The following SLC39A9 variants were observed in gnomAD, a reference collection of about 807,000 sequenced individuals.
SLC39A9 encodes zinc transporter ZIP9.
In SLC39A9, 14 loss-of-function variants were observed where a neutral mutation model predicts 28.4. The ratio of observed to expected loss-of-function variants is 0.49; its 90% CI spans 0.33 to 0.77. The LOEUF (loss-of-function observed/expected upper bound fraction) is 0.77. Among genes scored for constraint, SLC39A9 ranks in the 30% least tolerant of loss-of-function variants. SLC39A9 has a pLI of 0.02. For missense variants in SLC39A9, 283 were observed against 381.1 expected, an observed-to-expected ratio of 0.74 and a Z score of 2.14; for synonymous variants, 119 against 149.6, an observed-to-expected ratio of 0.80 and a Z score of 1.49.
chr14:69,442,490 T>A (rs1340311052), intron 3 of SLC39A9, among the ~76,000 whole-genome samples: 1 of 152,232 alleles, frequency 6.6e-6, no homozygotes, highest in Admixed American at 6.5e-5. Flanking sequence ...CTTAAAGTTG[T>A]CACATTTGGT....
At chr14:69,417,322 A>G (rs1883629963) in intron 1 of SLC39A9, among the ~76,000 whole-genome samples, 1 of 152,060 alleles carries the variant, frequency 6.6e-6, no homozygotes, top group Non-Finnish European at 1.5e-5. Flanking sequence ...GTTCTGTTCT[A>G]TTGGTCTATC....
chr14:69,411,613 T>A (rs17106979), intron 1 of SLC39A9, among the ~76,000 whole-genome samples: 28,780 of 152,042 alleles, frequency 0.19, 2,885 homozygotes, highest in South Asian at 0.26. Context: ...TTTAGTGATT[T>A]ACCATAAGCA....
rs1260915818 is a variant in SLC39A9 at position 69,399,417 on chromosome 14, G to A, written c.48G>A (p.Val16=). The A allele has an allele frequency of 1.2e-6, 2 of 1,613,990 alleles. No individual in the cohort carries two copies. Among genetic ancestry groups the A allele is most frequent in the Non-Finnish European group, 1.7e-6 (2 of 1,180,026 alleles). Residue 16 remains valine (V), a synonymous_variant, in exon 1 of 7, where the codon GTG becomes GTA. Transcript: ENST00000336643. ...SISLLSLAML[V]GCYVAGIIPL... is the part of the protein sequence containing the mutation. ...GCCTGCTGTCTCTGGCTATGTTGGTGGGATGTTACGTGGCCGGAATCATTC... is the reference window on the plus strand; with the variant it reads ...GCCTGCTGTCTCTGGCTATGTTGGTAGGATGTTACGTGGCCGGAATCATTC...
chr14:69,451,963 C>T (rs560881330), intron 3 of SLC39A9, among the ~76,000 whole-genome samples: 2 of 152,072 alleles, frequency 1.3e-5, no homozygotes, highest in Admixed American at 6.5e-5. Context: ...TGATCCTCCC[C>T]CATCGACCTC....
At chr14:69,440,411 A>G (rs893137917) in intron 2 of SLC39A9, among the ~76,000 whole-genome samples, 4 of 152,122 alleles carry the variant, frequency 2.6e-5, no homozygotes, top group African/African-American at 4.8e-5. Context: ...TGGCAAAACT[A>G]CATCTCCACA....
At chr14:69,438,367 A>G (rs1169661071) in intron 2 of SLC39A9, among the ~76,000 whole-genome samples, 1 of 152,172 alleles carries the variant, frequency 6.6e-6, no homozygotes, top group Non-Finnish European at 1.5e-5. Flanking sequence ...TTCGTACTTC[A>G]AGAAAGACGT....
intron 1 of SLC39A9, among the ~76,000 whole-genome samples, chr14:69,400,891 C>T (rs1414288622): frequency 2.6e-5 from 4 of 151,388 alleles, no homozygotes; most frequent in East Asian, 1.9e-4. Flanking sequence ...CGGTGGGGCG[C>T]GCCTGTAGTC....
rs556515466 is a variant in SLC39A9, at chr14:69,398,786, A to G, written c.-584A>G. The G allele has an allele frequency of 3.1e-4, 60 of 193,820 alleles. No individual in the cohort carries two copies. The highest frequency in any genetic ancestry group is 5.2e-4 in the Non-Finnish European group (48 of 93,036). The allele number at this position is 193,820 out of a possible 1,614,324, so 12.0% of individuals were successfully genotyped here. ...CAGTACCATGGGCAGCACCGGGTAT[A>G]GGGCAGAGACAGCTTTGTGTCAACT... is the stretch of plus-strand genomic sequence containing the variant. On this transcript the variant is annotated 5_prime_UTR_variant, in exon 1 of 7. In the 5' UTR this introduces an upstream ATG that the reference lacks. Coordinates refer to ENST00000336643, the MANE Select transcript of SLC39A9 (RefSeq NM_018375.5).
chr14:69,420,887 A>G (rs1303597152), intron 1 of SLC39A9, among the ~76,000 whole-genome samples: 1 of 152,202 alleles, frequency 6.6e-6, no homozygotes, highest in African/African-American at 2.4e-5. Context: ...CTCGTTAGCC[A>G]TGCGTCTAAT....
intron 2 of SLC39A9, chr14:69,428,852 G>A (rs1198452867): frequency 6.6e-6 from 1 of 152,208 alleles, no homozygotes; most frequent in Non-Finnish European, 1.5e-5. Flanking sequence ...GAGTGCCAAT[G>A]AACCATAACA....
rs370498618 is a variant in SLC39A9 at position 69,441,040 on chromosome 14, G to A, written c.206-1029G>A. Among the ~76,000 whole-genome samples the A allele has an allele frequency of 3.7e-4, 56 of 152,286 alleles. 3 individuals carry two copies. Among genetic ancestry groups the A allele is most frequent in the East Asian group, 2.5e-3 (13 of 5,172 alleles). ...ATACTTGTAATCCACCACTTTGGGA[G>A]GTCAAGGTGGGAGGATCACCTGAGC... On this transcript the variant is annotated intron_variant, in intron 2 of 6. Coordinates refer to ENST00000336643, the MANE Select transcript of SLC39A9 (RefSeq NM_018375.5).
chr14:69,420,021 T>C (rs1301396989), intron 1 of SLC39A9, among the ~76,000 whole-genome samples: 2 of 152,238 alleles, frequency 1.3e-5, no homozygotes, highest in Non-Finnish European at 2.9e-5. Context: ...TTGTTATGTG[T>C]GAATTTGATC....
chr14:69,404,953 G>A (rs761112646), intron 1 of SLC39A9, among the ~76,000 whole-genome samples: 4 of 152,174 alleles, frequency 2.6e-5, no homozygotes, highest in Admixed American at 6.6e-5. Flanking sequence ...GCATAGCTGG[G>A]GAGGCCTAAG....
intron 1 of SLC39A9, among the ~76,000 whole-genome samples, chr14:69,399,687 T>C (rs1346328203): frequency 6.6e-6 from 1 of 152,214 alleles, no homozygotes; most frequent in Non-Finnish European, 1.5e-5. Context: ...CGGAAGATCC[T>C]GGAGTATTCT....
At chr14:69,446,642 G>A (rs866260880) in intron 3 of SLC39A9, among the ~76,000 whole-genome samples, 2 of 151,976 alleles carry the variant, frequency 1.3e-5, no homozygotes, top group African/African-American at 2.4e-5. Flanking sequence ...GGAGGCCTAG[G>A]CGGGTGCATC....
intron 1 of SLC39A9, among the ~76,000 whole-genome samples, chr14:69,409,621 A>AG (rs559384670): frequency 1.3e-5 from 2 of 152,226 alleles, no homozygotes; most frequent in Non-Finnish European, 2.9e-5. Flanking sequence ...GATTGCCAGT[A>AG]GGGGACCCTG....
In SLC39A9 at chr14:69,411,683, C is replaced by T. The variant is rs758788571; in HGVS notation, c.96+12218C>T. 2.6e-5 allele frequency among the ~76,000 whole-genome samples: 4 copies of T among 152,226 alleles called. No individual in the cohort carries two copies. In the East Asian group the frequency reaches 7.7e-4, roughly 29 times the overall value. Reference sequence around the variant, plus strand: ...ATATAAACACAACTTGAGATTGAATCCCAAGTTGTGTGAAAGAATACAGCC... The same window carrying T: ...ATATAAACACAACTTGAGATTGAATTCCAAGTTGTGTGAAAGAATACAGCC... On this transcript the variant is annotated intron_variant, in intron 1 of 6. Transcript: ENST00000336643.
At chr14:69,411,210 T>TAA (rs1883242723) in intron 1 of SLC39A9, among the ~76,000 whole-genome samples, 8 of 69,016 alleles carry the variant, frequency 1.2e-4, no homozygotes, top group African/African-American at 3.7e-4. Flanking sequence ...AGATTCCATC[T>TAA]CAAAAAAAAA....
intron 3 of SLC39A9, among the ~76,000 whole-genome samples, chr14:69,450,332 G>A (rs1566924672): frequency 1.3e-5 from 2 of 152,026 alleles, no homozygotes; most frequent in Non-Finnish European, 2.9e-5. Flanking sequence ...ATGATGAAAT[G>A]GCCACTTCAC....
Sources: allele counts gnomAD v4.1 joint callset (sites outside exome capture counted in the v4.1 genomes callset), GRCh38; gene constraint gnomAD v4.1.1; transcripts MANE v1.5; gene names NCBI Gene and HGNC (gene_info 2026-07-23, HGNC 2026-07-21).